WWOX: variants seen among roughly 807,000 people sequenced by gnomAD.
WWOX encodes the protein WW domain containing oxidoreductase.
WWOX carries 69 observed loss-of-function variants against 46.2 expected under a neutral mutation model. The observed-to-expected ratio is 1.49, with a 90% CI of 1.23 to 1.82. WWOX has a LOEUF of 1.82. Among genes scored for constraint, WWOX ranks in the 40% most tolerant of loss-of-function variants. The pLI is 0.00. For missense variants in WWOX, 919 were observed against 542.6 expected (o/e 1.69, Z -6.89); for synonymous variants, 359 against 202.6 (o/e 1.77, Z -6.56).
intron 8 of WWOX, among the ~76,000 whole-genome samples, chr16:78,625,872 G>GTTTTTAAGTAATGCAATTACTTAAAAC (rs1263782212): frequency 2.7e-5 from 4 of 149,018 alleles, no homozygotes; most frequent in African/African-American, 9.8e-5. Flanking sequence ...TTACTTAAAA[G>GTTTTTAAGTAATGCAATTACTTAAAAC]TTTTTAAGTA....
chr16:78,799,558 T>C (rs1033214243), intron 8 of WWOX, among the ~76,000 whole-genome samples: 1 of 152,168 alleles, frequency 6.6e-6, no homozygotes, highest in Non-Finnish European at 1.5e-5. Flanking sequence ...TCTCTGCGTA[T>C]GGAATTGAGG....
chr16:79,154,921 A>G (rs1335489767), intron 8 of WWOX, among the ~76,000 whole-genome samples: 1 of 152,224 alleles, frequency 6.6e-6, no homozygotes, highest in East Asian at 1.9e-4. Context: ...AAAATGAAAG[A>G]AAGAAAGAAG....
At position 78,543,661 on chromosome 16, in the gene WWOX, A is replaced by T. The variant is rs150609496; in HGVS notation, c.1056+110909A>T. Among the ~76,000 whole-genome samples the T allele has an allele frequency of 2.3e-3, 350 of 152,278 alleles. 2 individuals carry two copies. Among genetic ancestry groups the T allele is most frequent in the African/African-American group, 7.9e-3 (330 of 41,574 alleles). On this transcript the variant is annotated intron_variant, in intron 8 of 8. Transcript: ENST00000566780. ...TTCTCAATATTAAACCCTCAGTTGT[A>T]ATGGAGGCATCAAGACTATAAGACC...
chr16:78,112,096 T>C (rs1209621648), intron 3 of WWOX: 1 of 152,274 alleles, frequency 6.6e-6, no homozygotes, highest in East Asian at 1.9e-4. Context: ...TCTTTATTTA[T>C]TACAATCCCT....
chr16:78,827,233 T>G (rs7189824), intron 8 of WWOX, among the ~76,000 whole-genome samples: 21,294 of 152,210 alleles, frequency 0.14, 1,688 homozygotes, highest in Admixed American at 0.22. Flanking sequence ...TCTAAGACAG[T>G]GAGAGCAGAT....
intron 5 of WWOX, among the ~76,000 whole-genome samples, chr16:78,189,240 C>G (rs1467256813): frequency 6.6e-6 from 1 of 152,184 alleles, no homozygotes; most frequent in Non-Finnish European, 1.5e-5. Context: ...AAGTTAACAG[C>G]AAGATCTTCA....
intron 8 of WWOX, among the ~76,000 whole-genome samples, chr16:78,879,843 C>T (rs2044307205): frequency 6.6e-6 from 1 of 150,526 alleles, no homozygotes; most frequent in Non-Finnish European, 1.5e-5. Context: ...TGTCATTGTA[C>T]TCCAGCCTGG....
intron 8 of WWOX, among the ~76,000 whole-genome samples, chr16:78,674,257 A>G (rs529421387): frequency 6.6e-6 from 1 of 150,674 alleles, no homozygotes. Flanking sequence ...CTCCCCATCC[A>G]ACTCGTTCCA....
intron 8 of WWOX, among the ~76,000 whole-genome samples, chr16:79,164,414 T>G (rs1480870529): frequency 6.6e-6 from 1 of 152,198 alleles, no homozygotes; most frequent in African/African-American, 2.4e-5. Context: ...CAGGCTGCCC[T>G]TGTGCCCGCC....
chr16:79,169,189 C>G, intron 8 of WWOX, among the ~76,000 whole-genome samples: 1 of 152,180 alleles, frequency 6.6e-6, no homozygotes, highest in Non-Finnish European at 1.5e-5. Context: ...ATAACATGTC[C>G]AAAGTCTCCC....
intron 8 of WWOX, among the ~76,000 whole-genome samples, chr16:78,466,571 T>A (rs566865693): frequency 2.6e-5 from 4 of 152,078 alleles, no homozygotes; most frequent in Non-Finnish European, 5.9e-5. Flanking sequence ...GGCTCACACC[T>A]GTAATCCCAG....
At chr16:78,713,101 T>A (rs2048478744) in intron 8 of WWOX, among the ~76,000 whole-genome samples, 1 of 151,216 alleles carries the variant, frequency 6.6e-6, no homozygotes, top group Non-Finnish European at 1.5e-5. Flanking sequence ...GAGACCCTCA[T>A]CTCTACACCG....
intron 8 of WWOX, among the ~76,000 whole-genome samples, chr16:78,840,746 G>GTACA (rs1567596890): frequency 6.6e-6 from 1 of 151,542 alleles, no homozygotes; most frequent in African/African-American, 2.4e-5. Context: ...AGGTGTGTAT[G>GTACA]TACATATATA....
intron 8 of WWOX, among the ~76,000 whole-genome samples, chr16:78,472,127 C>T (rs768937330): frequency 6.6e-6 from 1 of 152,098 alleles, no homozygotes; most frequent in Non-Finnish European, 1.5e-5. Flanking sequence ...AAGGTTAAAA[C>T]AGGAAAAAGT....
At chr16:78,615,321 C>T (rs143889549) in intron 8 of WWOX, among the ~76,000 whole-genome samples, 9 of 152,178 alleles carry the variant, frequency 5.9e-5, no homozygotes, top group Non-Finnish European at 7.4e-5. Flanking sequence ...CTCTCCTCTC[C>T]GCGACTCGGT....
chr16:78,120,789 T>C (rs1016413117), intron 4 of WWOX, among the ~76,000 whole-genome samples: 2 of 152,226 alleles, frequency 1.3e-5, no homozygotes, highest in Non-Finnish European at 2.9e-5. Flanking sequence ...GTGCAAATTT[T>C]ACCAGTTCTA....
At chr16:79,130,761 T>C (rs959226904) in intron 8 of WWOX, among the ~76,000 whole-genome samples, 2 of 152,246 alleles carry the variant, frequency 1.3e-5, no homozygotes, top group African/African-American at 2.4e-5. Flanking sequence ...GTATTACAGA[T>C]GCAGAGTCTT....
chr16:78,997,347 A>G (rs41521944), intron 8 of WWOX, among the ~76,000 whole-genome samples: 2 of 152,096 alleles, frequency 1.3e-5, no homozygotes, highest in Non-Finnish European at 2.9e-5. Flanking sequence ...AACTGCATGG[A>G]AAATCTAGAA....
At chr16:79,054,046 C>A (rs996286270) in intron 8 of WWOX, among the ~76,000 whole-genome samples, 1 of 151,888 alleles carries the variant, frequency 6.6e-6, no homozygotes, top group Non-Finnish European at 1.5e-5. Flanking sequence ...TTTATTACCT[C>A]ATTATAATTG....
Sources: allele counts gnomAD v4.1 joint callset (sites outside exome capture counted in the v4.1 genomes callset), GRCh38; gene constraint gnomAD v4.1.1; transcripts MANE v1.5; gene names NCBI Gene and HGNC (gene_info 2026-07-23, HGNC 2026-07-21).